The following RIT2 variants were observed in gnomAD, a reference collection of about 807,000 sequenced individuals.
RIT2 encodes GTP-binding protein Rit2.
RIT2 carries 24 observed loss-of-function variants against 23.7 expected under a neutral mutation model. The observed-to-expected ratio is 1.01, with a 90% CI of 0.73 to 1.43. The LOEUF (loss-of-function observed/expected upper bound fraction) is 1.43, where lower values mean the gene tolerates loss of function less well. RIT2 is among the 40% of genes most tolerant of loss of function. The pLI is 0.00. For missense variants in RIT2, 236 were observed against 266.9 expected (o/e 0.88, Z 0.81); for synonymous variants, 107 against 91.1 (o/e 1.17, Z -0.99).
intron 2 of RIT2, among the ~76,000 whole-genome samples, chr18:43,006,135 G>T (rs143291389): frequency 2.0e-5 from 3 of 151,754 alleles, no homozygotes; most frequent in African/African-American, 4.8e-5. Context: ...GAAGAGAAAA[G>T]CTCCCAAAAA....
intron 1 of RIT2, among the ~76,000 whole-genome samples, chr18:43,040,734 G>C (rs1343236107): frequency 1.3e-5 from 2 of 152,036 alleles, no homozygotes; most frequent in African/African-American, 4.8e-5. Flanking sequence ...TGAACACATA[G>C]CAGGCTTCAG....
At chr18:43,014,607 T>A (rs922126228) in intron 2 of RIT2, among the ~76,000 whole-genome samples, 6 of 151,116 alleles carry the variant, frequency 4.0e-5, no homozygotes, top group African/African-American at 1.2e-4. Context: ...AAAACATTTT[T>A]AAAATATAAT....
At chr18:42,878,646 T>C in intron 4 of RIT2, among the ~76,000 whole-genome samples, 1 of 151,814 alleles carries the variant, frequency 6.6e-6, no homozygotes, top group East Asian at 1.9e-4. Context: ...CCTGCCTCTC[T>C]CTCCACCTGC....
At chr18:43,108,663 G>A (rs1308770106) in intron 1 of RIT2, among the ~76,000 whole-genome samples, 3 of 152,156 alleles carry the variant, frequency 2.0e-5, no homozygotes, top group African/African-American at 7.2e-5. Context: ...TAATCTTGGA[G>A]ATGTTGTCAA....
At chr18:42,987,582 T>C (rs1357208267) in intron 2 of RIT2, among the ~76,000 whole-genome samples, 2 of 152,228 alleles carry the variant, frequency 1.3e-5, no homozygotes, top group African/African-American at 4.8e-5. Context: ...GAGTTACACA[T>C]GTGTGGGAAA....
chr18:42,897,392 C>T (rs543619427), intron 4 of RIT2, among the ~76,000 whole-genome samples: 1 of 152,034 alleles, frequency 6.6e-6, no homozygotes, highest in Non-Finnish European at 1.5e-5. Context: ...CTAGGAAGAA[C>T]GGTGATGGTA....
At chr18:42,915,997 A>T (rs1176012534) in intron 4 of RIT2, among the ~76,000 whole-genome samples, 1 of 151,942 alleles carries the variant, frequency 6.6e-6, no homozygotes, top group Non-Finnish European at 1.5e-5. Flanking sequence ...AAACACTTGT[A>T]GGTTCTATGC....
chr18:42,981,135 T>C (rs776040216), intron 2 of RIT2, among the ~76,000 whole-genome samples: 54 of 152,200 alleles, frequency 3.5e-4, no homozygotes, highest in East Asian at 1.4e-3. Flanking sequence ...CACTTAATTA[T>C]TGCTTGGGGA....
intron 1 of RIT2, among the ~76,000 whole-genome samples, chr18:43,108,044 G>A (rs1196467762): frequency 1.3e-5 from 2 of 151,472 alleles, no homozygotes; most frequent in Non-Finnish European, 2.9e-5. Flanking sequence ...CATGGTGGCG[G>A]GTGACTGTAG....
chr18:42,801,800 A>G (rs1224766776), intron 4 of RIT2, among the ~76,000 whole-genome samples: 3 of 152,184 alleles, frequency 2.0e-5, no homozygotes, highest in African/African-American at 7.2e-5. Flanking sequence ...ATGTATTTAA[A>G]CAGCTATTTG....
intron 4 of RIT2, among the ~76,000 whole-genome samples, chr18:42,893,767 G>C (rs978466465): frequency 2.0e-5 from 3 of 152,092 alleles, no homozygotes; most frequent in Non-Finnish European, 2.9e-5. Flanking sequence ...AAAAAAGAGA[G>C]AGTCAAAAAT....
intron 3 of RIT2, among the ~76,000 whole-genome samples, chr18:42,924,552 A>C (rs1909135094): frequency 6.6e-6 from 1 of 152,066 alleles, no homozygotes. Context: ...TTTTATTCTG[A>C]AACTACTGTT....
chr18:42,974,193 G>T (rs780536747), intron 2 of RIT2, 46 bp from the exon 3 acceptor site: 6 of 1,314,468 alleles, frequency 4.6e-6, no homozygotes, highest in Non-Finnish European at 6.5e-6. Context: ...GACAGGAAAG[G>T]CATTATTAAT....
At chr18:43,014,104 A>G (rs1911416436) in intron 2 of RIT2, among the ~76,000 whole-genome samples, 1 of 151,848 alleles carries the variant, frequency 6.6e-6, no homozygotes, top group South Asian at 2.1e-4. Context: ...CAGGGGAAGT[A>G]GAGTATCAGG....
chr18:42,897,454 C>A (rs1409704990), intron 4 of RIT2, among the ~76,000 whole-genome samples: 1 of 152,112 alleles, frequency 6.6e-6, no homozygotes, highest in African/African-American at 2.4e-5. Flanking sequence ...AATGTAAGGA[C>A]AGAAGAATAA....
At chr18:42,915,995 G>A (rs945741827) in intron 4 of RIT2, among the ~76,000 whole-genome samples, 2 of 151,570 alleles carry the variant, frequency 1.3e-5, no homozygotes, top group Admixed American at 1.3e-4. Context: ...TAAAACACTT[G>A]TAGGTTCTAT....
intron 1 of RIT2, among the ~76,000 whole-genome samples, chr18:43,074,817 G>A (rs1019196085): frequency 4.1e-4 from 62 of 152,210 alleles, no homozygotes; most frequent in African/African-American, 1.5e-3. Flanking sequence ...AATACCACAT[G>A]TTCTCGCTTC....
chr18:42,772,418 C>T (rs1335631597), intron 4 of RIT2, among the ~76,000 whole-genome samples: 2 of 152,034 alleles, frequency 1.3e-5, no homozygotes, highest in Non-Finnish European at 2.9e-5. Context: ...ATTAAGAATT[C>T]CCTCAGCAGT....
intron 2 of RIT2, among the ~76,000 whole-genome samples, chr18:43,031,679 G>T (rs997051019): frequency 6.6e-6 from 1 of 151,908 alleles, no homozygotes; most frequent in Non-Finnish European, 1.5e-5. Flanking sequence ...TTTGAAAGAA[G>T]AATAACTCTA....
Sources: allele counts gnomAD v4.1 joint callset (sites outside exome capture counted in the v4.1 genomes callset), GRCh38; gene constraint gnomAD v4.1.1; transcripts MANE v1.5; gene names NCBI Gene and HGNC (gene_info 2026-07-23, HGNC 2026-07-21).